DRC2: variants seen among roughly 807,000 people sequenced by gnomAD.
DRC2 encodes coiled-coil domain containing 65.
the DRC2 span, among the ~76,000 whole-genome samples, chr12:48,912,677 G>A: frequency 6.6e-6 from 1 of 152,232 alleles, no homozygotes; most frequent in South Asian, 2.1e-4. Context: ...ACCACCTTTT[G>A]ATGGGGAGTG....
chr12:48,915,772 G>C, the DRC2 span, among the ~76,000 whole-genome samples: 20 of 150,004 alleles, frequency 1.3e-4, no homozygotes, highest in African/African-American at 4.2e-4. Context: ...CTGGCCGGGC[G>C]GGGGGCTGAC....
At chr12:48,904,865 C>A in the DRC2 span, 1 of 1,231,522 alleles carries the variant, frequency 8.1e-7, no homozygotes, top group Non-Finnish European at 1.1e-6. Flanking sequence ...GGTAAGGTGT[C>A]AGCTGATAAA....
chr12:48,904,329 C>T, the DRC2 span: 6 of 1,612,504 alleles, frequency 3.7e-6, no homozygotes, highest in Non-Finnish European at 4.2e-6. Context: ...ATCCAATCCC[C>T]TGCCCCCATG....
At chr12:48,908,807 G>T in the DRC2 span, among the ~76,000 whole-genome samples, 9 of 151,036 alleles carry the variant, frequency 6.0e-5, no homozygotes, top group Admixed American at 5.9e-4. Context: ...CACCACATTG[G>T]CCAGGCTGGT....
chr12:48,909,022 T>C, the DRC2 span, among the ~76,000 whole-genome samples: 1 of 150,880 alleles, frequency 6.6e-6, no homozygotes, highest in Non-Finnish European at 1.5e-5. Context: ...GGTTCCCACC[T>C]GTACTTTTCT....
the DRC2 span, among the ~76,000 whole-genome samples, chr12:48,920,069 C>T: frequency 7.3e-6 from 1 of 137,754 alleles, no homozygotes; most frequent in South Asian, 2.3e-4. Context: ...GCCAGGATTG[C>T]ACCACTGCAC....
the DRC2 span, chr12:48,916,952 G>A: frequency 6.2e-7 from 1 of 1,612,282 alleles, no homozygotes; most frequent in Non-Finnish European, 8.5e-7. Context: ...AGCAGGGACA[G>A]TGTCTTGTCT....
chr12:48,904,577 T>C, the DRC2 span: 1 of 1,427,718 alleles, frequency 7.0e-7, no homozygotes, highest in Non-Finnish European at 9.5e-7. Context: ...CCGGAAATCC[T>C]GAGACCCAGA....
the DRC2 span, among the ~76,000 whole-genome samples, chr12:48,915,006 G>C: frequency 6.6e-5 from 10 of 151,570 alleles, no homozygotes; most frequent in African/African-American, 1.2e-4. Context: ...TTACAGGTGC[G>C]TGCCACCACA....
the DRC2 span, chr12:48,918,301 A>T: frequency 3.1e-6 from 5 of 1,614,190 alleles, no homozygotes; most frequent in Non-Finnish European, 4.2e-6. Flanking sequence ...ACTTTCTAAG[A>T]CTGCACCTGG....
chr12:48,918,331 G>C, the DRC2 span: 8 of 1,614,222 alleles, frequency 5.0e-6, no homozygotes, highest in Non-Finnish European at 6.8e-6. Flanking sequence ...TAGAAGATCT[G>C]TGGAGAAAGT....
At chr12:48,914,437 C>A in the DRC2 span, 48 of 1,613,604 alleles carry the variant, frequency 3.0e-5, 1 homozygote, top group Admixed American at 7.8e-4. Flanking sequence ...AGCCGAGGAG[C>A]AGTACGCCCA....
the DRC2 span, chr12:48,916,954 G>A: frequency 5.0e-6 from 8 of 1,612,548 alleles, no homozygotes; most frequent in Non-Finnish European, 5.9e-6. Context: ...CAGGGACAGT[G>A]TCTTGTCTCC....
chr12:48,909,080 G>A, the DRC2 span, among the ~76,000 whole-genome samples: 2 of 65,572 alleles, frequency 3.1e-5, no homozygotes, highest in African/African-American at 1.3e-4. Flanking sequence ...TTTTGCTCTT[G>A]TTGCCCAGGC....
the DRC2 span, chr12:48,918,270 G>T: frequency 6.2e-7 from 1 of 1,613,592 alleles, no homozygotes; most frequent in Non-Finnish European, 8.5e-7. Context: ...GGGGTCACTT[G>T]CTAGAATTTA....
At chr12:48,916,160 CG>C in the DRC2 span, among the ~76,000 whole-genome samples, 2 of 151,058 alleles carry the variant, frequency 1.3e-5, no homozygotes, top group Non-Finnish European at 3.0e-5. Context: ...AGACGATGGG[CG>C]GCCAGGCAGA....
the DRC2 span, among the ~76,000 whole-genome samples, chr12:48,915,815 C>T: frequency 5.9e-5 from 9 of 151,446 alleles, no homozygotes; most frequent in Admixed American, 2.0e-4. Flanking sequence ...GGGTGGCTGC[C>T]GGGCGGAGAG....
At chr12:48,908,921 C>G in the DRC2 span, among the ~76,000 whole-genome samples, 1 of 151,884 alleles carries the variant, frequency 6.6e-6, no homozygotes, top group African/African-American at 2.4e-5. Flanking sequence ...AAATCTAATC[C>G]TGTCACTCCA....
At chr12:48,912,256 ATC>A in the DRC2 span, among the ~76,000 whole-genome samples, 1 of 150,196 alleles carries the variant, frequency 6.7e-6, no homozygotes, top group African/African-American at 2.5e-5. Context: ...GTGAGACTCC[ATC>A]TCTCTACTAA....
Sources: gnomAD v4.1 joint callset for allele counts (sites outside exome capture counted in the v4.1 genomes callset) on GRCh38, gnomAD v4.1.1 for gene constraint, MANE v1.5 for transcripts, NCBI Gene and HGNC (gene_info 2026-07-23, HGNC 2026-07-21) for gene names.